The following TRPC5 variants were observed in gnomAD, a reference collection of about 807,000 sequenced individuals.
TRPC5 encodes short transient receptor potential channel 5.
In TRPC5, 9 loss-of-function variants were observed where a neutral mutation model predicts 56.5. The ratio of observed to expected loss-of-function variants is 0.16; its 90% CI spans 0.10 to 0.28. The LOEUF is 0.28. Among genes scored for constraint, TRPC5 ranks in the 10% least tolerant of loss-of-function variants. TRPC5 has a pLI of 1.00. For missense variants in TRPC5, 469 were observed against 748.9 expected (o/e 0.63, Z 4.36); for synonymous variants, 282 against 278.5 (o/e 1.01, Z -0.13).
chrX:112,077,209 A>C (rs1389534261), intron 1 of TRPC5, among the ~76,000 whole-genome samples: 1 of 111,627 alleles, frequency 9.0e-6, no homozygotes, highest in African/African-American at 3.3e-5. Flanking sequence ...GGTCTGTGTG[A>C]GTTCCCACAC....
At chrX:111,968,143 C>T (rs1488446377) in intron 1 of TRPC5, among the ~76,000 whole-genome samples, 1 of 111,469 alleles carries the variant, frequency 9.0e-6, no homozygotes, top group Non-Finnish European at 1.9e-5. Flanking sequence ...AACAAAAAAA[C>T]CCCATCAAAA....
chrX:111,932,733 A>G (rs1926451413), intron 2 of TRPC5, among the ~76,000 whole-genome samples: 1 of 111,971 alleles, frequency 8.9e-6, no homozygotes, highest in Non-Finnish European at 1.9e-5. Context: ...GATGAAAGAA[A>G]AAAAGAGGGT....
intron 2 of TRPC5, among the ~76,000 whole-genome samples, chrX:111,943,939 T>C (rs1430842873): frequency 1.8e-5 from 2 of 112,362 alleles, no homozygotes; most frequent in Non-Finnish European, 3.8e-5. Context: ...CTAAGTCAAA[T>C]GGATGGAGTA....
chrX:111,936,466 G>T (rs1421142382), intron 2 of TRPC5, among the ~76,000 whole-genome samples: 2 of 109,761 alleles, frequency 1.8e-5, no homozygotes, highest in African/African-American at 3.3e-5. Context: ...TTAGCATTAG[G>T]TGTATCTCCT....
intron 2 of TRPC5, among the ~76,000 whole-genome samples, chrX:111,948,809 C>T (rs5985666): frequency 0.027 from 2,955 of 110,843 alleles, 110 homozygotes; most frequent in African/African-American, 0.092. Context: ...TGACCTTTGT[C>T]CACCTCCCTG....
At chrX:111,991,750 A>G (rs1240644681) in intron 1 of TRPC5, among the ~76,000 whole-genome samples, 2 of 112,104 alleles carry the variant, frequency 1.8e-5, no homozygotes, top group Admixed American at 9.5e-5. Flanking sequence ...TGCTGACTGG[A>G]TATGCTACCT....
Position 111,950,215 on chromosome X carries a change from C to T in TRPC5, c.378+1828G>A, listed in dbSNP as rs1189359689. ...TGGCAGGCACCTGTAGTCCCAGCTA[C>T]TCGGGAGGCTGAGGCAGGAGAATGG... is the stretch of plus-strand genomic sequence containing the variant. On this transcript the variant is annotated intron_variant, in intron 2 of 10. Coordinates refer to ENST00000262839, the MANE Select transcript of TRPC5 (RefSeq NM_012471.3). Among the ~76,000 whole-genome samples, 4 of 110,172 alleles carry T rather than the reference C, an allele frequency of 3.6e-5. No homozygotes were observed. The Admixed American group carries it at 3.9e-4, about 11-fold the overall frequency.
intron 1 of TRPC5, among the ~76,000 whole-genome samples, chrX:112,000,333 G>A (rs1332959983): frequency 1.8e-5 from 2 of 111,972 alleles, no homozygotes; most frequent in Non-Finnish European, 3.8e-5. Flanking sequence ...GGGAGAGAAG[G>A]AACATACGTT....
At chrX:111,965,053 C>G (rs1927519979) in intron 1 of TRPC5, among the ~76,000 whole-genome samples, 1 of 111,524 alleles carries the variant, frequency 9.0e-6, no homozygotes, top group Non-Finnish European at 1.9e-5. Context: ...AGTCAAGACC[C>G]ATCAGCGTGC....
intron 1 of TRPC5, among the ~76,000 whole-genome samples, chrX:111,955,207 C>T (rs1032402634): frequency 8.9e-6 from 1 of 112,174 alleles, no homozygotes; most frequent in Non-Finnish European, 1.9e-5. Flanking sequence ...CCAGTGGGCT[C>T]TGTTGTAAGA....
intron 3 of TRPC5, chrX:111,902,187 AC>A: frequency 9.2e-7 from 1 of 1,092,561 alleles, no homozygotes; most frequent in Non-Finnish European, 1.2e-6. Flanking sequence ...GGTGACTAAG[AC>A]CCAATTTCTG....
intron 1 of TRPC5, among the ~76,000 whole-genome samples, chrX:112,072,051 G>A (rs777769667): frequency 8.9e-6 from 1 of 112,036 alleles, no homozygotes; most frequent in South Asian, 3.8e-4. Flanking sequence ...AGGATCAGTA[G>A]CTGACCTATT....
Position 112,017,204 on chromosome X carries a change from G to A in TRPC5, c.-22+64675C>T, listed in dbSNP as rs1362165437. On this transcript the variant is annotated intron_variant, in intron 1 of 10. Transcript: ENST00000262839. ...AATTTTTTGTATTTTTAGTAGAGAC[G>A]GGATTTCACCATGTTGGCCAGGATG... 1.6e-4 allele frequency among the ~76,000 whole-genome samples: 18 copies of A among 110,460 alleles called. 1 individual carries two copies. Among genetic ancestry groups the A allele is most frequent in the African/African-American group, 4.9e-4 (15 of 30,310 alleles).
intron 1 of TRPC5, among the ~76,000 whole-genome samples, chrX:112,013,066 A>G (rs1395856962): frequency 8.9e-6 from 1 of 112,269 alleles, no homozygotes; most frequent in Non-Finnish European, 1.9e-5. Flanking sequence ...TTTTGTATTT[A>G]TATAGCCCTA....
rs768903213 is a variant in TRPC5 at position 111,993,794 on chromosome X, G to C, written c.-21-41353C>G. ...TTTGTTTGAGTTCTTTGTAGATTCT[G>C]GCTATTAGCCCTTTGTCAGATGGGT... On this transcript the variant is annotated intron_variant, in intron 1 of 10. Coordinates refer to ENST00000262839, the MANE Select transcript of TRPC5 (RefSeq NM_012471.3). Among the ~76,000 whole-genome samples, 3 of 111,870 alleles carry C rather than the reference G, an allele frequency of 2.7e-5. No homozygotes were observed. The East Asian group carries it at 8.4e-4, about 31-fold the overall frequency.
rs1224590792 is a variant in TRPC5 at position 112,082,010 on chromosome X, C to G, written c.-153G>C. 1.8e-5 allele frequency: 2 copies of G among 111,676 alleles called. No individual in the cohort carries two copies. Among genetic ancestry groups the G allele is most frequent in the Non-Finnish European group, 3.8e-5 (2 of 53,146 alleles). 9.2% of individuals were successfully genotyped at this position (111,676 alleles called of 1,213,427 possible). A position where few individuals can be genotyped will look rare whatever the true frequency, so the allele number is the denominator to read the frequency against. On this transcript the variant is annotated 5_prime_UTR_variant, in exon 1 of 11. Transcript: ENST00000262839. The stretch of plus-strand genomic sequence containing the variant: ...AGCAGCCGACTGGGACAGCCCGGGG[C>G]CTCTAGGCTGATGGGTGGGTGGGCG...
At chrX:112,063,616 T>C (rs747641292) in intron 1 of TRPC5, among the ~76,000 whole-genome samples, 1 of 111,821 alleles carries the variant, frequency 8.9e-6, no homozygotes, top group Admixed American at 9.5e-5. Context: ...CAGGAAGACA[T>C]TTTTCCCCCC....
intron 1 of TRPC5, among the ~76,000 whole-genome samples, chrX:111,979,485 A>G (rs1299599155): frequency 9.0e-6 from 1 of 111,658 alleles, no homozygotes; most frequent in East Asian, 2.8e-4. Context: ...ACACTCCATC[A>G]AAATTAAAAT....
intron 1 of TRPC5, among the ~76,000 whole-genome samples, chrX:112,077,790 G>A (rs1930868533): frequency 8.9e-6 from 1 of 112,197 alleles, no homozygotes; most frequent in Non-Finnish European, 1.9e-5. Flanking sequence ...TAAAGAATGG[G>A]GGAAGGTAAG....
Sources: allele counts gnomAD v4.1 joint callset (sites outside exome capture counted in the v4.1 genomes callset), GRCh38; gene constraint gnomAD v4.1.1; transcripts MANE v1.5; gene names NCBI Gene and HGNC (gene_info 2026-07-23, HGNC 2026-07-21).